MAP3K5: variants seen among roughly 807,000 people sequenced by gnomAD.
The protein encoded by MAP3K5 is mitogen-activated protein kinase kinase kinase 5, also known as ASK-1.
MAP3K5 carries 56 observed loss-of-function variants against 158.7 expected under a neutral mutation model. The observed-to-expected ratio is 0.35, with a 90% CI of 0.28 to 0.44. The LOEUF (loss-of-function observed/expected upper bound fraction) is 0.44, where lower values mean the gene tolerates loss of function less well. Among genes scored for constraint, MAP3K5 ranks in the 20% least tolerant of loss-of-function variants. MAP3K5 has a pLI of 1.00. For synonymous variants in MAP3K5, 579 were observed against 601.7 expected (o/e 0.96, Z 0.55); for missense variants, 1,294 against 1,674.8 (o/e 0.77, Z 3.97).
At chr6:136,639,520 C>A (rs201181781) in intron 13 of MAP3K5, 23 bp downstream of exon 13, 2 of 1,355,656 alleles carry the variant, frequency 1.5e-6, no homozygotes, top group African/African-American at 2.9e-5. Context: ...GAATCTTTTT[C>A]ACACACAATG....
chr6:136,616,753 G>A (rs920724796), intron 15 of MAP3K5, among the ~76,000 whole-genome samples: 24 of 151,652 alleles, frequency 1.6e-4, no homozygotes, highest in African/African-American at 5.8e-4. Context: ...ATTTGAGACA[G>A]GGTCTCTCTC....
At chr6:136,659,635 G>C (rs1254685931) in intron 8 of MAP3K5, among the ~76,000 whole-genome samples, 2 of 152,192 alleles carry the variant, frequency 1.3e-5, no homozygotes, top group African/African-American at 4.8e-5. Context: ...CAAAGGTTGA[G>C]TGATTCCACT....
chr6:136,655,560 C>G (rs993959896), intron 10 of MAP3K5, among the ~76,000 whole-genome samples: 3 of 152,130 alleles, frequency 2.0e-5, no homozygotes, highest in African/African-American at 7.2e-5. Context: ...TTAGAGAGCT[C>G]AGAGAGATTT....
At chr6:136,773,656 G>C (rs1445004984) in intron 1 of MAP3K5, among the ~76,000 whole-genome samples, 1 of 151,874 alleles carries the variant, frequency 6.6e-6, no homozygotes, top group Non-Finnish European at 1.5e-5. Flanking sequence ...TGGTTCGTTG[G>C]TTGTTTTCTG....
intron 7 of MAP3K5, among the ~76,000 whole-genome samples, chr6:136,681,727 T>C (rs755883534): frequency 2.0e-4 from 31 of 152,072 alleles, no homozygotes; most frequent in Non-Finnish European, 2.8e-4. Context: ...CCATCCTGGC[T>C]AACATGGTGA....
At chr6:136,683,697 G>A (rs1780029507) in intron 7 of MAP3K5, among the ~76,000 whole-genome samples, 1 of 152,106 alleles carries the variant, frequency 6.6e-6, no homozygotes, top group Non-Finnish European at 1.5e-5. Context: ...AGATCACACT[G>A]TTTCCAAGTA....
intron 1 of MAP3K5, among the ~76,000 whole-genome samples, chr6:136,728,034 T>C (rs1369295661): frequency 6.6e-6 from 1 of 152,148 alleles, no homozygotes; most frequent in African/African-American, 2.4e-5. Flanking sequence ...AAAAATCTCC[T>C]ACATTTTTAC....
At position 136,599,178 on chromosome 6, in the gene MAP3K5, G is replaced by A. The variant is rs78321833; in HGVS notation, c.2878+1844C>T. Among the ~76,000 whole-genome samples the A allele has an allele frequency of 4.7e-5, 7 of 147,958 alleles. No individual in the cohort carries two copies. In the Admixed American group the frequency reaches 4.7e-4, roughly 10 times the overall value. ...CGTCTCAAAAAAAAAAGGGGGGGGG[G>A]GCGTGGATTTTAGCTCCTAATTTGG... On this transcript the variant is annotated intron_variant, in intron 21 of 29. Coordinates refer to ENST00000359015, the MANE Select transcript of MAP3K5 (RefSeq NM_005923.4).
intron 1 of MAP3K5, among the ~76,000 whole-genome samples, chr6:136,731,716 G>A (rs989765795): frequency 3.3e-5 from 5 of 152,190 alleles, no homozygotes; most frequent in Admixed American, 1.3e-4. Flanking sequence ...GCATGATAAC[G>A]AAGGTAAGTA....
chr6:136,620,012 A>C (rs150125640), intron 15 of MAP3K5, among the ~76,000 whole-genome samples: 2 of 152,284 alleles, frequency 1.3e-5, no homozygotes, highest in African/African-American at 4.8e-5. Context: ...GCTCACGCCT[A>C]TAATCCCAGC....
At chr6:136,630,455 T>C (rs1032640069) in intron 14 of MAP3K5, 1 of 152,188 alleles carries the variant, frequency 6.6e-6, no homozygotes, top group Non-Finnish European at 1.5e-5. Context: ...GTGAGATCCA[T>C]TTGGACCCAC....
chr6:136,592,798 A>G (rs2129081519), intron 21 of MAP3K5, 184 bp from the exon 22 acceptor site: 1 of 673,660 alleles, frequency 1.5e-6, no homozygotes, highest in Non-Finnish European at 2.7e-6. Flanking sequence ...TAACCCATAC[A>G]GCAGGGTAGC....
At chr6:136,679,757 G>A (rs1779854258) in intron 7 of MAP3K5, among the ~76,000 whole-genome samples, 2 of 151,994 alleles carry the variant, frequency 1.3e-5, no homozygotes, top group East Asian at 1.9e-4. Context: ...CATGACGCAT[G>A]TTACTATTAA....
chr6:136,642,045 T>TAAAAC (rs1262038091), intron 12 of MAP3K5, among the ~76,000 whole-genome samples: 6 of 126,830 alleles, frequency 4.7e-5, no homozygotes, highest in Non-Finnish European at 9.6e-5. Flanking sequence ...TAAAATAAAA[T>TAAAAC]AAAATAAAAT....
intron 8 of MAP3K5, among the ~76,000 whole-genome samples, chr6:136,665,590 C>A (rs1013191922): frequency 7.2e-5 from 11 of 151,978 alleles, no homozygotes; most frequent in African/African-American, 2.7e-4. Context: ...AGGTAATCCA[C>A]CCGCCTCCGC....
Position 136,592,308 on chromosome 6 carries a change from A to G in MAP3K5, c.3090T>C (p.Ala1030=). ...AATCTTTTTCTTCAGGGGAAGGAGGAGCACTGTGATCTTCAAAATTCTCAT... is the reference window on the plus strand; with the variant it reads ...AATCTTTTTCTTCAGGGGAAGGAGGGGCACTGTGATCTTCAAAATTCTCAT... ...IPDENFEDHS[A]PPSPEEKDSG... The change falls in exon 23 of 30, where the codon GCT becomes GCC. Residue 1030 remains alanine (A), a synonymous_variant. Coordinates refer to ENST00000359015, the MANE Select transcript of MAP3K5 (RefSeq NM_005923.4). 6.3e-7 allele frequency: 1 copy of G among 1,599,808 alleles called. No homozygotes were observed. Among genetic ancestry groups the G allele is most frequent in the Non-Finnish European group, 8.5e-7 (1 of 1,174,122 alleles).
At chr6:136,582,911 T>C (rs1175546018) in intron 24 of MAP3K5, among the ~76,000 whole-genome samples, 1 of 152,214 alleles carries the variant, frequency 6.6e-6, no homozygotes, top group African/African-American at 2.4e-5. Context: ...GGGTTCTGAA[T>C]GCAGTACAGA....
In MAP3K5 at chr6:136,792,272, C is replaced by G; in HGVS notation, c.-115G>C. On this transcript the variant is annotated 5_prime_UTR_variant, in exon 1 of 30. Coordinates refer to ENST00000359015, the MANE Select transcript of MAP3K5 (RefSeq NM_005923.4). This position sits in a 1 kb window ranked among gnomAD's most constrained non-coding sequence, Gnocchi z 5.7. ...GGGCTAAGCAGCTGCCATCGCGCGC[C>G]GCGCCCTCGCCGCCGCGCCGCCGCC... 8.6e-7 allele frequency: 1 copy of G among 1,156,548 alleles called. No homozygotes were observed. The highest frequency in any genetic ancestry group is 1.1e-6 in the Non-Finnish European group (1 of 944,168). 71.6% of individuals were successfully genotyped at this position (1,156,548 alleles called of 1,614,324 possible). A position where few individuals can be genotyped will look rare whatever the true frequency, so the allele number is the denominator to read the frequency against.
chr6:136,594,882 G>A (rs1048353782), intron 21 of MAP3K5, among the ~76,000 whole-genome samples: 1 of 152,046 alleles, frequency 6.6e-6, no homozygotes, highest in African/African-American at 2.4e-5. Context: ...CCTGTATTTT[G>A]GCTTTTTGGT....
Sources: gnomAD v4.1 joint callset for allele counts (sites outside exome capture counted in the v4.1 genomes callset) on GRCh38, gnomAD v4.1.1 for gene constraint, Gnocchi (gnomAD v3.1) non-coding constraint, MANE v1.5 for transcripts, NCBI Gene and HGNC (gene_info 2026-07-23, HGNC 2026-07-21) for gene names.